Variants in GRB10 observed in about 807,000 individuals in gnomAD.
GRB10 encodes growth factor receptor-bound protein 10.
GRB10 carries 20 observed loss-of-function variants against 80.9 expected under a neutral mutation model. The observed-to-expected ratio is 0.25, with a 90% CI of 0.17 to 0.36. The LOEUF (loss-of-function observed/expected upper bound fraction) is 0.36. Among genes scored for constraint, GRB10 ranks in the 10% least tolerant of loss-of-function variants. GRB10 has a pLI of 1.00. For synonymous variants in GRB10, 291 were observed against 291.5 expected (o/e 1.00, Z 0.02); for missense variants, 548 against 747.7 (o/e 0.73, Z 3.12).
At chr7:50,605,032 G>A (rs571094717) in intron 15 of GRB10, 5 of 526,782 alleles carry the variant, frequency 9.5e-6, no homozygotes, top group South Asian at 9.0e-5. Context: ...TAGGAGCCAC[G>A]GAGGGCAGAG....
intron 8 of GRB10, among the ~76,000 whole-genome samples, chr7:50,625,910 T>C (rs2052790649): frequency 6.6e-6 from 1 of 152,242 alleles, no homozygotes; most frequent in African/African-American, 2.4e-5. Context: ...CCTAGAGGTT[T>C]AAATTCAATG....
chr7:50,776,288 A>G lies in GRB10; in HGVS notation c.-217+4339T>C, dbSNP rs146717177. Among the ~76,000 whole-genome samples, 399 of 152,106 alleles carry G rather than the reference A, an allele frequency of 2.6e-3. 2 individuals carry two copies. The highest frequency in any genetic ancestry group is 9.2e-3 in the African/African-American group (382 of 41,502). On this transcript the variant is annotated intron_variant, in intron 2 of 18. Coordinates refer to ENST00000401949, the MANE Select transcript of GRB10 (RefSeq NM_001350814.2). ...GAGCGCAGCAGCAGAATCATGGCTC[A>G]CTGTAGCCTTGACCTCCCAGACTCA...
At chr7:50,726,873 A>G (rs2068738158) in intron 4 of GRB10, 1 of 152,182 alleles carries the variant, frequency 6.6e-6, no homozygotes, top group South Asian at 2.1e-4. Flanking sequence ...CAGTCTCACC[A>G]ACATTAAACA....
intron 7 of GRB10, among the ~76,000 whole-genome samples, chr7:50,649,554 T>C (rs375223158): frequency 6.6e-6 from 1 of 152,054 alleles, no homozygotes; most frequent in East Asian, 1.9e-4. Flanking sequence ...AGGGGAGAGC[T>C]TGGATTTAAT....
intron 7 of GRB10, among the ~76,000 whole-genome samples, chr7:50,641,759 G>C (rs1262587208): frequency 1.3e-5 from 2 of 152,242 alleles, no homozygotes; most frequent in East Asian, 1.9e-4. Flanking sequence ...TCTGCGGCAG[G>C]ACAGTCAGCT....
intron 13 of GRB10, among the ~76,000 whole-genome samples, chr7:50,609,994 A>G (rs984353564): frequency 6.6e-6 from 1 of 152,186 alleles, no homozygotes; most frequent in Non-Finnish European, 1.5e-5. Context: ...GGTTAATTCA[A>G]AATAACAACC....
intron 1 of GRB10, chr7:50,781,095 T>C (rs552852372): frequency 2.6e-5 from 4 of 152,214 alleles, no homozygotes; most frequent in Non-Finnish European, 5.9e-5. Context: ...CCATTCACCA[T>C]GTTCCTCAGC....
intron 5 of GRB10, among the ~76,000 whole-genome samples, chr7:50,676,348 G>GT (rs1205554714): frequency 6.6e-6 from 1 of 150,424 alleles, no homozygotes; most frequent in Non-Finnish European, 1.5e-5. Context: ...GGGGGGGGGG[G>GT]GGTTGTAAGG....
chr7:50,613,312 G>T (rs2049920584), intron 12 of GRB10, among the ~76,000 whole-genome samples: 1 of 152,006 alleles, frequency 6.6e-6, no homozygotes, highest in African/African-American at 2.4e-5. Flanking sequence ...GGCAACCCCT[G>T]AGGAGCTCAG....
intron 11 of GRB10, 54 bp downstream of exon 11, chr7:50,616,156 G>T: frequency 6.2e-7 from 1 of 1,608,686 alleles, no homozygotes; most frequent in Non-Finnish European, 8.5e-7. Context: ...TGAGGACCTG[G>T]GGGGAGTGAC....
chr7:50,758,789 T>A (rs115862743), intron 2 of GRB10, among the ~76,000 whole-genome samples: 2 of 152,206 alleles, frequency 1.3e-5, no homozygotes, highest in Admixed American at 6.5e-5. Flanking sequence ...TTGAGAAATA[T>A]GTAAATAGAA....
chr7:50,699,525 T>C (rs2063871919), intron 5 of GRB10, among the ~76,000 whole-genome samples: 1 of 152,230 alleles, frequency 6.6e-6, no homozygotes, highest in South Asian at 2.1e-4. Flanking sequence ...ATTATTTTTT[T>C]CCCTTTAATT....
chr7:50,711,057 G>C (rs1469831563), intron 4 of GRB10: 1 of 707,994 alleles, frequency 1.4e-6, no homozygotes, highest in Admixed American at 2.0e-5. Flanking sequence ...ATGCCACAGA[G>C]AGCAGAATGA....
At chr7:50,630,949 A>AT (rs1008583114) in intron 7 of GRB10, among the ~76,000 whole-genome samples, 9 of 152,000 alleles carry the variant, frequency 5.9e-5, no homozygotes, top group African/African-American at 1.7e-4. Flanking sequence ...CAAGAGCTTA[A>AT]TTTTTTTTGC....
intron 3 of GRB10, among the ~76,000 whole-genome samples, chr7:50,747,428 C>G (rs1381667311): frequency 6.6e-6 from 1 of 152,204 alleles, no homozygotes. Context: ...CTTCTTTGAG[C>G]CTTTAATCTA....
At chr7:50,597,234 T>C (rs1319659697) in intron 17 of GRB10, among the ~76,000 whole-genome samples, 1 of 152,236 alleles carries the variant, frequency 6.6e-6, no homozygotes, top group African/African-American at 2.4e-5. Context: ...AATAGCACTT[T>C]GCAGGCCTTG....
chr7:50,773,469 AGGGG>A (rs1443730141), intron 2 of GRB10, among the ~76,000 whole-genome samples: 1 of 9,114 alleles, frequency 1.1e-4, no homozygotes, highest in African/African-American at 3.8e-4. Flanking sequence ...AGGGGAAGGC[AGGGG>A]AGGGGAAGGC....
chr7:50,599,678 C>T (rs563654234), intron 17 of GRB10, among the ~76,000 whole-genome samples: 5 of 152,180 alleles, frequency 3.3e-5, no homozygotes, highest in Non-Finnish European at 4.4e-5. Flanking sequence ...ATTTGGGGAA[C>T]GGAAGGTAAC....
chr7:50,615,804 G>A (rs2050515172), intron 11 of GRB10, among the ~76,000 whole-genome samples: 2 of 152,332 alleles, frequency 1.3e-5, no homozygotes, highest in African/African-American at 2.4e-5. Flanking sequence ...ATGCAAGCCT[G>A]CAGTTTATTT....
Sources: allele counts gnomAD v4.1 joint callset (sites outside exome capture counted in the v4.1 genomes callset), GRCh38; gene constraint gnomAD v4.1.1; transcripts MANE v1.5; gene names NCBI Gene and HGNC (gene_info 2026-07-23, HGNC 2026-07-21).